The following ZEB1 variants were observed in gnomAD, a reference collection of about 807,000 sequenced individuals.
ZEB1 encodes the protein zinc finger E-box-binding homeobox 1.
A neutral mutation model predicts 84.9 loss-of-function variants in ZEB1; 21 were observed. The observed-to-expected ratio is 0.25, with a 90% confidence interval of 0.18 to 0.36. The LOEUF is 0.36. Ranked by LOEUF, ZEB1 falls within the 10% of genes least tolerant of loss-of-function variation. The pLI is 1.00. For missense variants in ZEB1, 1,104 were observed against 1,330.2 expected (o/e 0.83, Z 2.65); for synonymous variants, 420 against 471.1 (o/e 0.89, Z 1.41).
chr10:31,360,906 A>G, intron 1 of ZEB1: 2 of 1,441,306 alleles, frequency 1.4e-6, no homozygotes, highest in Admixed American at 3.4e-5. Context: ...CTGAAACAGT[A>G]CTGCATGGAT....
intron 1 of ZEB1, among the ~76,000 whole-genome samples, chr10:31,452,702 TGTGTGTGTG>T (rs1188800344): frequency 2.8e-5 from 1 of 35,724 alleles, no homozygotes; most frequent in African/African-American, 5.8e-5. Context: ...TAGGATAAAA[TGTGTGTGTG>T]TGTGTGTGTG....
At chr10:31,378,023 T>C (rs2046969777) in intron 1 of ZEB1, among the ~76,000 whole-genome samples, 1 of 150,724 alleles carries the variant, frequency 6.6e-6, no homozygotes, top group Non-Finnish European at 1.5e-5. Flanking sequence ...ATCATACATA[T>C]ATATAGTATG....
chr10:31,333,171 G>T (rs1361785285), intron 1 of ZEB1, among the ~76,000 whole-genome samples: 2 of 152,198 alleles, frequency 1.3e-5, no homozygotes, highest in African/African-American at 4.8e-5. Context: ...TATTAAGCAT[G>T]TGGAGAGGAA....
At chr10:31,380,640 C>G (rs1165032850) in intron 1 of ZEB1, among the ~76,000 whole-genome samples, 1 of 151,980 alleles carries the variant, frequency 6.6e-6, no homozygotes, top group African/African-American at 2.4e-5. Context: ...AGTGGAAATT[C>G]TTCTGTAAGA....
intron 2 of ZEB1, among the ~76,000 whole-genome samples, chr10:31,490,269 G>T (rs12354732): frequency 6.6e-6 from 1 of 151,128 alleles, no homozygotes; most frequent in Non-Finnish European, 1.5e-5. Flanking sequence ...ACATTATTCA[G>T]TTTTTTTTCT....
At chr10:31,478,431 G>A (rs2064569353) in intron 2 of ZEB1, among the ~76,000 whole-genome samples, 1 of 151,888 alleles carries the variant, frequency 6.6e-6, no homozygotes, top group Non-Finnish European at 1.5e-5. Context: ...AACCGCTATG[G>A]AAAACAGTTT....
chr10:31,468,028 T>A (rs220049), intron 2 of ZEB1, among the ~76,000 whole-genome samples: 37,035 of 151,822 alleles, frequency 0.24, 10,312 homozygotes, highest in African/African-American at 0.69. Flanking sequence ...TGGAATGAAA[T>A]CCCAGGGCTA....
At chr10:31,448,397 C>CCTT (rs1195113728) in intron 1 of ZEB1, among the ~76,000 whole-genome samples, 1 of 140,258 alleles carries the variant, frequency 7.1e-6, no homozygotes, top group Admixed American at 7.0e-5. Flanking sequence ...TCGTCTGAAG[C>CCTT]CTTCTTCTCT....
chr10:31,385,412 A>T (rs1179247540), intron 1 of ZEB1, among the ~76,000 whole-genome samples: 4 of 152,122 alleles, frequency 2.6e-5, no homozygotes, highest in Admixed American at 2.6e-4. Context: ...TACTGGCCTT[A>T]CATGTTAGAT....
At chr10:31,407,136 G>A (rs1328668130) in intron 1 of ZEB1, among the ~76,000 whole-genome samples, 1 of 151,266 alleles carries the variant, frequency 6.6e-6, no homozygotes, top group Non-Finnish European at 1.5e-5. Context: ...GGGTACATGT[G>A]CACAATGTGC....
intron 2 of ZEB1, among the ~76,000 whole-genome samples, chr10:31,476,937 A>G (rs574542047): frequency 9.4e-4 from 143 of 152,210 alleles, no homozygotes; most frequent in African/African-American, 3.1e-3. Context: ...ATATATGACA[A>G]AGTCACAGCC....
At chr10:31,343,866 A>C (rs1053664001) in intron 1 of ZEB1, among the ~76,000 whole-genome samples, 1 of 152,150 alleles carries the variant, frequency 6.6e-6, no homozygotes, top group Non-Finnish European at 1.5e-5. Context: ...ATGCCTGTCA[A>C]ATCAGATGTG....
Position 31,527,401 on chromosome 10 carries a change from A to T in ZEB1, c.*137A>T, listed in dbSNP as rs2073693615. On this transcript the variant is annotated 3_prime_UTR_variant, in exon 9 of 9. Coordinates refer to ENST00000424869, the MANE Select transcript of ZEB1 (RefSeq NM_001174096.2). ...TGTGTAAAGTAAAAACTAAAAAAAT[A>T]CAAAATACAAAACACACACACACAC... The T allele has an allele frequency of 1.0e-6, 1 of 991,770 alleles. No individual in the cohort carries two copies. Among genetic ancestry groups the T allele is most frequent in the South Asian group, 1.6e-5 (1 of 63,018 alleles). The allele number at this position is 991,770 out of a possible 1,614,324, so 61.4% of individuals were successfully genotyped here. A position where few individuals can be genotyped will look rare whatever the true frequency, so the allele number is the denominator to read the frequency against.
At chr10:31,394,419 AAGCATT>A (rs1450988192) in intron 1 of ZEB1, among the ~76,000 whole-genome samples, 1 of 152,146 alleles carries the variant, frequency 6.6e-6, no homozygotes, top group Non-Finnish European at 1.5e-5. Context: ...ATACATATAG[AAGCATT>A]AGCATACTGC....
chr10:31,509,044 C>T (rs1261101359), intron 4 of ZEB1, among the ~76,000 whole-genome samples: 2 of 152,112 alleles, frequency 1.3e-5, no homozygotes, highest in Admixed American at 6.5e-5. Flanking sequence ...ATGGTCACTG[C>T]CAATGGCTTG....
chr10:31,483,451 C>T (rs999551286), intron 2 of ZEB1, among the ~76,000 whole-genome samples: 1 of 151,938 alleles, frequency 6.6e-6, no homozygotes, highest in Non-Finnish European at 1.5e-5. Flanking sequence ...CAGAAAAATA[C>T]ATATACATTA....
At chr10:31,381,075 G>A (rs1377664847) in intron 1 of ZEB1, among the ~76,000 whole-genome samples, 1 of 152,096 alleles carries the variant, frequency 6.6e-6, no homozygotes, top group African/African-American at 2.4e-5. Flanking sequence ...AGAATAAATG[G>A]TGATAAACTT....
chr10:31,449,306 A>G (rs2060235949), intron 1 of ZEB1, among the ~76,000 whole-genome samples: 1 of 152,206 alleles, frequency 6.6e-6, no homozygotes, highest in Non-Finnish European at 1.5e-5. Context: ...GCCTGCGCCT[A>G]CTGTCTGGCA....
chr10:31,469,178 T>C (rs1270069122), intron 2 of ZEB1, among the ~76,000 whole-genome samples: 1 of 152,186 alleles, frequency 6.6e-6, no homozygotes, highest in South Asian at 2.1e-4. Flanking sequence ...ATTTCAGAGC[T>C]TGACGACTAG....
Sources: allele counts gnomAD v4.1 joint callset (sites outside exome capture counted in the v4.1 genomes callset), GRCh38; gene constraint gnomAD v4.1.1; transcripts MANE v1.5; gene names NCBI Gene and HGNC (gene_info 2026-07-23, HGNC 2026-07-21).